The following PTPN22 variants were observed in gnomAD, a reference collection of about 807,000 sequenced individuals.
PTPN22 encodes the protein tyrosine-protein phosphatase non-receptor type 22.
In PTPN22, 85 loss-of-function variants were observed where a neutral mutation model predicts 103.3. The ratio of observed to expected loss-of-function variants is 0.82; its 90% CI spans 0.69 to 0.99. The LOEUF (loss-of-function observed/expected upper bound fraction) is 0.99. Among genes scored for constraint, PTPN22 ranks in the 50% least tolerant of loss-of-function variants. The pLI, the probability that PTPN22 is intolerant of heterozygous loss-of-function variation, is 0.00. For synonymous variants in PTPN22, 323 were observed against 310.2 expected (o/e 1.04, Z -0.43); for missense variants, 865 against 936.9 (o/e 0.92, Z 1.00).
chr1:113,842,771 G>A (rs1303870894), intron 11 of PTPN22, among the ~76,000 whole-genome samples: 1 of 151,750 alleles, frequency 6.6e-6, no homozygotes, highest in African/African-American at 2.4e-5. Context: ...ATGTAAAATG[G>A]CACAGCTGCT....
exon 10 of PTPN22, chr1:113,852,088 A>C: frequency 6.2e-7 from 1 of 1,608,900 alleles, no homozygotes; most frequent in Non-Finnish European, 8.5e-7. Context: ...GAAAACACTG[A>C]AGTTCTCAGG....
At chr1:113,847,620 C>G (rs1664211269) in intron 11 of PTPN22, among the ~76,000 whole-genome samples, 1 of 150,944 alleles carries the variant, frequency 6.6e-6, no homozygotes, top group Non-Finnish European at 1.5e-5. Flanking sequence ...GCTCTGTCAC[C>G]TAGGCTGGAG....
chr1:113,829,581 ATCT>A lies in PTPN22; in HGVS notation c.2250+8_2250+10del. 1 of 1,502,070 alleles carries A rather than the reference ATCT, an allele frequency of 6.7e-7. No individual in the cohort carries two copies. The highest frequency in any genetic ancestry group is 9.1e-7 in the Non-Finnish European group (1 of 1,103,260). 93.0% of individuals were successfully genotyped at this position (1,502,070 alleles called of 1,614,324 possible). The stretch of plus-strand genomic sequence containing the variant: ...TTCCGGCATGTTTCCCAAAACTCTT[ATCT>A]TCTTTACCTTACTCCTTGTGAAACT... On this transcript the variant is annotated splice_region_variant and intron_variant, in intron 18 of 20. Transcript: ENST00000359785.
chr1:113,854,466 C>T lies in PTPN22; in HGVS notation c.750+5G>A. On this transcript the variant is annotated splice_donor_5th_base_variant and intron_variant, in intron 9 of 20. Transcript: ENST00000359785. ...AATGGGAAGTGCCTGCTGAGAGAAA[C>T]TCACCCCATCTTTTAGCAACATCCA... The T allele has an allele frequency of 6.2e-7, 1 of 1,611,576 alleles. No individual in the cohort carries two copies. Among genetic ancestry groups the T allele is most frequent in the Non-Finnish European group, 8.5e-7 (1 of 1,177,714 alleles).
At chr1:113,831,221 A>C (rs372312143) in intron 16 of PTPN22, among the ~76,000 whole-genome samples, 1 of 152,180 alleles carries the variant, frequency 6.6e-6, no homozygotes, top group Non-Finnish European at 1.5e-5. Context: ...TCCTCTGCCT[A>C]ACTTTGGGTG....
chr1:113,816,364 T>A (rs1661147873), intron 20 of PTPN22, among the ~76,000 whole-genome samples: 1 of 148,068 alleles, frequency 6.8e-6, no homozygotes, highest in Non-Finnish European at 1.5e-5. Context: ...TGGTCCCAGA[T>A]ACTCAGGAGG....
chr1:113,847,535 A>G (rs1664199873), intron 11 of PTPN22, among the ~76,000 whole-genome samples: 1 of 141,840 alleles, frequency 7.1e-6, no homozygotes, highest in East Asian at 2.1e-4. Flanking sequence ...GTATTTTCAC[A>G]TTGTTATGAG....
intron 16 of PTPN22, 72 bp from the exon 17 acceptor site, chr1:113,830,101 C>A: frequency 9.3e-7 from 1 of 1,071,960 alleles, no homozygotes. Flanking sequence ...ACCCTTTTCT[C>A]TTTGTATAAT....
Position 113,858,595 on chromosome 1 carries a change from A to T in PTPN22, c.274-22T>A, listed in dbSNP as rs1300356326. 4 of 1,401,354 alleles carry T rather than the reference A, an allele frequency of 2.9e-6. No homozygotes were observed. The African/African-American group carries it at 5.8e-5, about 20-fold the overall frequency. The allele number at this position is 1,401,354 out of a possible 1,614,324, so 86.8% of individuals were successfully genotyped here. ...CTCCCTAAAGGGGAACAGAAATTAC[A>T]CGGGGTGACTACAAATAATACCCTG... On this transcript the variant is annotated intron_variant, in intron 3 of 20. Transcript: ENST00000359785.
chr1:113,867,505 G>A (rs990465007), intron 1 of PTPN22, among the ~76,000 whole-genome samples: 1 of 152,130 alleles, frequency 6.6e-6, no homozygotes, highest in Non-Finnish European at 1.5e-5. Flanking sequence ...GAATGTTGAT[G>A]TTTCCTTGAC....
chr1:113,854,802 T>G, intron 8 of PTPN22, 105 bp downstream of exon 8: 1 of 1,353,728 alleles, frequency 7.4e-7, no homozygotes, highest in Non-Finnish European at 1.0e-6. Context: ...GAATTTATTA[T>G]CGTTTGTTTT....
intron 9 of PTPN22, among the ~76,000 whole-genome samples, chr1:113,853,848 AT>A (rs1240961300): frequency 3.2e-4 from 36 of 111,358 alleles, no homozygotes; most frequent in African/African-American, 1.0e-3. Context: ...TGCCTGGCTA[AT>A]TTTTTTTTGC....
At chr1:113,814,418 T>C (rs1445106461) in exon 21 of PTPN22, 2 of 153,310 alleles carry the variant, frequency 1.3e-5, no homozygotes, top group African/African-American at 4.8e-5. Context: ...ATTTACAAGG[T>C]ATACTCCATT....
chr1:113,814,880 A>G (rs780234872), exon 21 of PTPN22: 2 of 1,530,058 alleles, frequency 1.3e-6, no homozygotes, highest in African/African-American at 1.4e-5. Flanking sequence ...CTTGCAGCCC[A>G]TATTATTATA....
At chr1:113,844,560 A>G (rs1558038136) in intron 11 of PTPN22, among the ~76,000 whole-genome samples, 1 of 152,176 alleles carries the variant, frequency 6.6e-6, no homozygotes, top group Non-Finnish European at 1.5e-5. Flanking sequence ...TTGGAGTGAC[A>G]GCTTAGATTA....
At chr1:113,815,448 T>A (rs2101847233) in intron 20 of PTPN22, 1 of 152,432 alleles carries the variant, frequency 6.6e-6, no homozygotes, top group Middle Eastern at 3.4e-3. Context: ...TTAGAAAAAA[T>A]AAACAATCCT....
intron 18 of PTPN22, chr1:113,829,280 TATG>T (rs1662349498): frequency 5.8e-6 from 1 of 171,610 alleles, no homozygotes. Context: ...GGTTCAGGGG[TATG>T]TGTGCCAGTT....
rs568542058 is a variant in PTPN22, at chr1:113,859,550, C to T, written c.88-90G>A. ...GAGCTTTCCTTTTCCACTGGCAAAA[C>T]ATTCTACCTCAACCCTTTTATTATC... On this transcript the variant is annotated intron_variant, in intron 1 of 20. Transcript: ENST00000359785. 7.1e-6 allele frequency: 7 copies of T among 991,760 alleles called. No individual in the cohort carries two copies. In the African/African-American group the frequency reaches 1.1e-4, roughly 16 times the overall value. 61.4% of individuals were successfully genotyped at this position (991,760 alleles called of 1,614,324 possible). A position where few individuals can be genotyped will look rare whatever the true frequency, so the allele number is the denominator to read the frequency against.
chr1:113,858,491 T>A, exon 4 of PTPN22: 1 of 1,591,520 alleles, frequency 6.3e-7, no homozygotes, highest in Non-Finnish European at 8.6e-7. Flanking sequence ...GACACTATAT[T>A]CCCAAATCAT....
Sources: allele counts gnomAD v4.1 joint callset (sites outside exome capture counted in the v4.1 genomes callset), GRCh38; gene constraint gnomAD v4.1.1; transcripts MANE v1.5; gene names NCBI Gene and HGNC (gene_info 2026-07-23, HGNC 2026-07-21).